ZNF438: variants seen among roughly 807,000 people sequenced by gnomAD.
The protein encoded by ZNF438 is zinc finger protein 438.
ZNF438 carries 25 observed loss-of-function variants against 38.0 expected under a neutral mutation model. That is an observed-to-expected ratio of 0.66 (90% CI 0.48 to 0.92). The LOEUF is 0.92. Among genes scored for constraint, ZNF438 ranks in the 40% least tolerant of loss-of-function variants. The pLI is 0.00. For missense variants in ZNF438, 1,007 were observed against 999.6 expected (o/e 1.01, Z -0.10); for synonymous variants, 372 against 364.1 (o/e 1.02, Z -0.25).
At chr10:30,858,097 A>G (rs889598783) in intron 4 of ZNF438, among the ~76,000 whole-genome samples, 12 of 152,214 alleles carry the variant, frequency 7.9e-5, no homozygotes, top group African/African-American at 2.9e-4. Context: ...TGCAGAAGGG[A>G]GCAGGCAGAG....
intron 1 of ZNF438, among the ~76,000 whole-genome samples, chr10:30,967,987 G>A (rs991044266): frequency 3.9e-5 from 6 of 152,162 alleles, no homozygotes; most frequent in African/African-American, 1.4e-4. Flanking sequence ...GGAGCAGAGA[G>A]GGATGGAGAA....
intron 1 of ZNF438, among the ~76,000 whole-genome samples, chr10:30,952,237 T>C (rs1467110311): frequency 6.7e-5 from 10 of 149,788 alleles, no homozygotes; most frequent in Non-Finnish European, 1.2e-4. Flanking sequence ...TTACACCTTA[T>C]ACAAAAATCA....
chr10:30,978,896 C>A (rs2051758874), intron 1 of ZNF438, among the ~76,000 whole-genome samples: 1 of 152,176 alleles, frequency 6.6e-6, no homozygotes, highest in South Asian at 2.1e-4. Flanking sequence ...AGCTTTGAAG[C>A]CAAGCATTGA....
At chr10:30,901,641 G>A (rs541899860) in intron 3 of ZNF438, among the ~76,000 whole-genome samples, 60 of 152,182 alleles carry the variant, frequency 3.9e-4, no homozygotes, top group African/African-American at 1.4e-3. Flanking sequence ...TTGTCTCGTC[G>A]CTTGGCAATA....
chr10:30,845,673 TGACGAGAAAGACAA>T (rs893599829), intron 5 of ZNF438, 100 bp from the exon 7 acceptor site: 140 of 1,407,938 alleles, frequency 9.9e-5, no homozygotes, highest in Middle Eastern at 6.3e-4. Flanking sequence ...AACATAACAC[TGACGAGAAAGACAA>T]GGGCTGGGGT....
intron 1 of ZNF438, among the ~76,000 whole-genome samples, chr10:30,977,227 T>C (rs2051466453): frequency 6.6e-6 from 1 of 152,216 alleles, no homozygotes; most frequent in African/African-American, 2.4e-5. Flanking sequence ...TACCAATATA[T>C]AGACAATATA....
At chr10:30,952,618 AG>A (rs1564723216) in intron 1 of ZNF438, among the ~76,000 whole-genome samples, 4 of 134,618 alleles carry the variant, frequency 3.0e-5, no homozygotes, top group Non-Finnish European at 6.4e-5. Context: ...TCTCAAAAGA[AG>A]ACATTTATGC....
intron 1 of ZNF438, among the ~76,000 whole-genome samples, chr10:31,006,679 A>T (rs1219526309): frequency 6.8e-6 from 1 of 147,088 alleles, no homozygotes; most frequent in Non-Finnish European, 1.5e-5. Flanking sequence ...AGGCCTGAAG[A>T]TATGGGATCT....
chr10:30,917,594 C>T (rs774591544), intron 2 of ZNF438, among the ~76,000 whole-genome samples: 2 of 152,226 alleles, frequency 1.3e-5, no homozygotes, highest in East Asian at 1.9e-4. Context: ...GAATATCTTC[C>T]GTTGTGCAGT....
At chr10:30,991,763 A>G (rs148174225) in intron 1 of ZNF438, among the ~76,000 whole-genome samples, 1 of 152,240 alleles carries the variant, frequency 6.6e-6, no homozygotes, top group African/African-American at 2.4e-5. Flanking sequence ...GCCAGCTCAC[A>G]GTAAACACAG....
chr10:30,914,797 T>C (rs937237179), intron 2 of ZNF438, among the ~76,000 whole-genome samples: 1 of 151,982 alleles, frequency 6.6e-6, no homozygotes, highest in East Asian at 1.9e-4. Context: ...CAGAAAGAAA[T>C]GTCTTGAGGT....
At chr10:30,847,136 A>G (rs2132644134) in intron 5 of ZNF438, among the ~76,000 whole-genome samples, 1 of 152,292 alleles carries the variant, frequency 6.6e-6, no homozygotes, top group South Asian at 2.1e-4. Flanking sequence ...AGAAAAGGGG[A>G]GGTCCCCGGT....
At chr10:30,958,976 A>AT (rs954820994) in intron 1 of ZNF438, among the ~76,000 whole-genome samples, 1 of 146,806 alleles carries the variant, frequency 6.8e-6, no homozygotes, top group Non-Finnish European at 1.5e-5. Flanking sequence ...TGGACATTGC[A>AT]TTTTTTCTTG....
chr10:30,915,493 T>TATA (rs1564633780), intron 2 of ZNF438, among the ~76,000 whole-genome samples: 1 of 152,088 alleles, frequency 6.6e-6, no homozygotes, highest in Non-Finnish European at 1.5e-5. Flanking sequence ...TTTGAATACT[T>TATA]ATAAAGAGTA....
At chr10:31,021,410 C>G (rs2133287680) in intron 1 of ZNF438, among the ~76,000 whole-genome samples, 2 of 152,174 alleles carry the variant, frequency 1.3e-5, no homozygotes, top group South Asian at 4.1e-4. Flanking sequence ...TTATTTCATA[C>G]TGAAAAAGAA....
chr10:30,919,796 A>T (rs10763851), intron 2 of ZNF438: 50,194 of 151,736 alleles, frequency 0.33, 9,506 homozygotes, highest in South Asian at 0.41. Context: ...TAATTTTTGT[A>T]TTGTTTTTAA....
intron 4 of ZNF438, chr10:30,875,376 A>G (rs1428927017): frequency 6.1e-6 from 6 of 984,382 alleles, no homozygotes; most frequent in Non-Finnish European, 3.6e-6. Context: ...CGATTTTTCA[A>G]TGAGAAAACT....
At chr10:31,019,278 T>C (rs924680321) in intron 1 of ZNF438, among the ~76,000 whole-genome samples, 7 of 152,178 alleles carry the variant, frequency 4.6e-5, no homozygotes, top group East Asian at 1.9e-4. Flanking sequence ...TGCCCCTTCA[T>C]TGCCTCTCTA....
chr10:30,866,716 C>T (rs1247593825), intron 4 of ZNF438, among the ~76,000 whole-genome samples: 1 of 152,044 alleles, frequency 6.6e-6, no homozygotes, highest in African/African-American at 2.4e-5. Context: ...CACCTGTAGT[C>T]CCAGCTACTC....
Sources: gnomAD v4.1 joint callset for allele counts (sites outside exome capture counted in the v4.1 genomes callset) on GRCh38, gnomAD v4.1.1 for gene constraint, MANE v1.5 for transcripts, NCBI Gene and HGNC (gene_info 2026-07-23, HGNC 2026-07-21) for gene names.